KDM7A: variants seen among roughly 807,000 people sequenced by gnomAD.
KDM7A encodes the protein lysine demethylase 7A.
In KDM7A, 28 loss-of-function variants were observed where a neutral mutation model predicts 114.8. The ratio of observed to expected loss-of-function variants is 0.24; its 90% CI spans 0.18 to 0.33. KDM7A has a LOEUF of 0.33. Among genes scored for constraint, KDM7A ranks in the 10% least tolerant of loss-of-function variants. The pLI, the probability that KDM7A is intolerant of heterozygous loss-of-function variation, is 1.00. For synonymous variants in KDM7A, 423 were observed against 397.8 expected, an observed-to-expected ratio of 1.06 and a Z score of -0.75; for missense variants, 942 against 1,142.5, an observed-to-expected ratio of 0.82 and a Z score of 2.53.
rs1262420332 is a variant in KDM7A at position 140,176,636 on chromosome 7, GGGCGCGGCGCGGCGGCCCGGCCCGAGGGA to G, written c.194+79_194+107del. The stretch of plus-strand genomic sequence containing the variant: ...TAGGCACCGGGGCCCCCTGAAAGCT[GGGCGCGGCGCGGCGGCCCGGCCCGAGGGA>G]GGCGCGGGCGGCCGGCGGCGGCGGC... On this transcript the variant is annotated intron_variant, in intron 1 of 19. Coordinates refer to ENST00000397560, the MANE Select transcript of KDM7A (RefSeq NM_030647.2). The surrounding 1 kb of genome is among the most constrained non-coding windows in gnomAD (Gnocchi z 4.4). The G allele has an allele frequency of 1.2e-6, 1 of 838,924 alleles. No individual in the cohort carries two copies. The highest frequency in any genetic ancestry group is 1.9e-5 in the African/African-American group (1 of 53,336). The allele number at this position is 838,924 out of a possible 1,614,324, so 52.0% of individuals were successfully genotyped here.
chr7:140,133,338 A>G (rs1054022260), intron 3 of KDM7A, among the ~76,000 whole-genome samples: 3 of 152,234 alleles, frequency 2.0e-5, no homozygotes, highest in Non-Finnish European at 4.4e-5. Flanking sequence ...AAGTTCCATG[A>G]AAATATGCTT....
intron 1 of KDM7A, among the ~76,000 whole-genome samples, chr7:140,166,613 T>C (rs1317402637): frequency 6.6e-6 from 1 of 152,124 alleles, no homozygotes; most frequent in Non-Finnish European, 1.5e-5. Context: ...GCTGGGATTA[T>C]AGGCATAAGC....
At chr7:140,100,046 T>A (rs750463458) in intron 12 of KDM7A, 23 bp from the exon 13 acceptor site, 222 of 1,613,648 alleles carry the variant, frequency 1.4e-4, no homozygotes, top group Admixed American at 2.8e-4. Flanking sequence ...ATGCAGAACT[T>A]ACTTACCATC....
chr7:140,117,860 T>G (rs979958994), intron 9 of KDM7A, among the ~76,000 whole-genome samples: 2 of 152,312 alleles, frequency 1.3e-5, no homozygotes, highest in Middle Eastern at 6.8e-3. Context: ...ACTGGTCTTG[T>G]AAAGAAAGGA....
chr7:140,173,005 G>A (rs1262675364), intron 1 of KDM7A, among the ~76,000 whole-genome samples: 1 of 151,980 alleles, frequency 6.6e-6, no homozygotes, highest in Non-Finnish European at 1.5e-5. Flanking sequence ...CTAATAAACG[G>A]TGTTTACATT....
chr7:140,133,170 G>C (rs1344154851), intron 3 of KDM7A, among the ~76,000 whole-genome samples: 1 of 152,164 alleles, frequency 6.6e-6, no homozygotes, highest in African/African-American at 2.4e-5. Flanking sequence ...AACAAGAGAA[G>C]GTGAGGCAAA....
At chr7:140,108,692 T>C (rs553313962) in intron 11 of KDM7A, among the ~76,000 whole-genome samples, 1 of 152,242 alleles carries the variant, frequency 6.6e-6, no homozygotes, top group South Asian at 2.1e-4. Flanking sequence ...CTGGGAGGTG[T>C]CTCCCATTTA....
At chr7:140,136,123 G>A (rs1466102172) in intron 2 of KDM7A, among the ~76,000 whole-genome samples, 1 of 152,148 alleles carries the variant, frequency 6.6e-6, no homozygotes, top group Non-Finnish European at 1.5e-5. Flanking sequence ...AGATTAATCA[G>A]TGAAGTGCAT....
At chr7:140,106,183 CTT>C (rs1352310997) in intron 11 of KDM7A, among the ~76,000 whole-genome samples, 1 of 150,920 alleles carries the variant, frequency 6.6e-6, no homozygotes. Context: ...TCTCTCTTTT[CTT>C]ATTAGTCTTG....
rs185660550 is a variant in KDM7A at position 140,172,931 on chromosome 7, T to C, written c.194+3813A>G. Among the ~76,000 whole-genome samples, 48 of 152,332 alleles carry C rather than the reference T, an allele frequency of 3.2e-4. 1 individual carries two copies. The East Asian group carries it at 8.5e-3, about 27-fold the overall frequency. ...TGCGTACTTTCATATTCTTTATACT[T>C]TTCTGTACTTTCCGATTTTTCCTTA... On this transcript the variant is annotated intron_variant, in intron 1 of 19. Coordinates refer to ENST00000397560, the MANE Select transcript of KDM7A (RefSeq NM_030647.2).
chr7:140,102,262 A>G (rs1324801454), intron 11 of KDM7A, 102 bp from the exon 12 acceptor site: 2 of 862,902 alleles, frequency 2.3e-6, no homozygotes, highest in East Asian at 5.1e-5. Flanking sequence ...AAAACCATTC[A>G]GTTTAACCAT....
intron 11 of KDM7A, among the ~76,000 whole-genome samples, chr7:140,106,088 T>C (rs1487716019): frequency 1.3e-5 from 2 of 152,272 alleles, no homozygotes; most frequent in African/African-American, 4.8e-5. Context: ...GAGGTGTTTA[T>C]AGTATTCTCT....
intron 1 of KDM7A, among the ~76,000 whole-genome samples, chr7:140,167,305 T>A: frequency 6.6e-6 from 1 of 151,860 alleles, no homozygotes; most frequent in East Asian, 1.9e-4. Context: ...TGAAAACAAA[T>A]ACAACAAACT....
intron 18 of KDM7A, among the ~76,000 whole-genome samples, chr7:140,093,071 A>T (rs1045715945): frequency 6.6e-6 from 1 of 152,214 alleles, no homozygotes; most frequent in African/African-American, 2.4e-5. Flanking sequence ...AGCCAAATTT[A>T]AAAAATTAAT....
At chr7:140,150,651 A>G (rs951876447) in intron 1 of KDM7A, among the ~76,000 whole-genome samples, 16 of 152,198 alleles carry the variant, frequency 1.1e-4, no homozygotes, top group African/African-American at 3.6e-4. Flanking sequence ...CTGGGAAAAG[A>G]AAACTGAATG....
chr7:140,145,674 A>C (rs1794331973), intron 1 of KDM7A, among the ~76,000 whole-genome samples: 1 of 152,238 alleles, frequency 6.6e-6, no homozygotes, highest in South Asian at 2.1e-4. Context: ...CCACCAAAAC[A>C]GAAACTCAAT....
Position 140,096,880 on chromosome 7 carries a change from C to T in KDM7A, c.2165+19G>A. The T allele has an allele frequency of 6.2e-7, 1 of 1,610,700 alleles. No individual in the cohort carries two copies. Among genetic ancestry groups the T allele is most frequent in the Admixed American group, 1.7e-5 (1 of 59,758 alleles). On this transcript the variant is annotated intron_variant, in intron 16 of 19. Coordinates refer to ENST00000397560, the MANE Select transcript of KDM7A (RefSeq NM_030647.2). ...TTACCTTACAATATAATAAGACTTA[C>T]TACTATCAGCAAGCCTACCTTTTAA...
chr7:140,171,482 A>C (rs958441305), intron 1 of KDM7A, among the ~76,000 whole-genome samples: 4 of 138,960 alleles, frequency 2.9e-5, no homozygotes, highest in African/African-American at 1.1e-4. Flanking sequence ...ATATATATTT[A>C]TATTTATATT....
In KDM7A at chr7:140,091,108, G is replaced by A. The variant is rs780860802; in HGVS notation, c.2812C>T (p.Arg938Cys). ...ILKLNRNGHARFFV is the reference protein window; with the variant it reads ...ILKLNRNGHACFFV Reference sequence around the variant, plus strand: ...CAGCAGCTCTGTCACACAAAGAAACGTGCATGGCCATTTCTGTTCAACTTA... The same window carrying A: ...CAGCAGCTCTGTCACACAAAGAAACATGCATGGCCATTTCTGTTCAACTTA... Residue 938 changes from arginine to cysteine, a missense_variant, in exon 20 of 20, where the codon CGT (arginine) becomes TGT (cysteine). Physicochemically the swap from Arg to Cys is radical, Grantham distance 180. Around this residue, in one of 4 missense-constraint regions of KDM7A, gnomAD observed 512 missense variants for 576.6 expected, o/e 0.89. Coordinates refer to ENST00000397560, the MANE Select transcript of KDM7A (RefSeq NM_030647.2). 58 of 1,613,176 alleles carry A rather than the reference G, an allele frequency of 3.6e-5. No individual in the cohort carries two copies. The highest frequency in any genetic ancestry group is 9.9e-5 in the South Asian group (9 of 91,070).
Sources: allele counts gnomAD v4.1 joint callset (sites outside exome capture counted in the v4.1 genomes callset), GRCh38; gene constraint gnomAD v4.1.1; regional missense constraint gnomAD v4.1.1; non-coding constraint Gnocchi (gnomAD v3.1); transcripts MANE v1.5; gene names NCBI Gene and HGNC (gene_info 2026-07-23, HGNC 2026-07-21).